Variants in PARD3 observed in about 807,000 individuals in gnomAD.
PARD3 encodes the protein partitioning defective 3 homolog.
PARD3 carries 75 observed loss-of-function variants against 155.4 expected under a neutral mutation model. The ratio of observed to expected loss-of-function variants is 0.48; its 90% CI spans 0.40 to 0.58. The LOEUF is 0.58. PARD3 is among the 20% of genes least tolerant of loss of function. PARD3 has a pLI of 0.00. For missense variants in PARD3, 1,642 were observed against 1,721.7 expected (o/e 0.95, Z 0.82); for synonymous variants, 576 against 610.5 (o/e 0.94, Z 0.83).
chr10:34,535,536 G>T (rs2083164576), intron 2 of PARD3, among the ~76,000 whole-genome samples: 1 of 152,180 alleles, frequency 6.6e-6, no homozygotes, highest in Non-Finnish European at 1.5e-5. Context: ...GCCCAGGCTG[G>T]AGTGCAGTGG....
At chr10:34,513,976 G>A (rs1451815167) in intron 3 of PARD3, among the ~76,000 whole-genome samples, 1 of 152,112 alleles carries the variant, frequency 6.6e-6, no homozygotes, top group Non-Finnish European at 1.5e-5. Flanking sequence ...CTAAATCAGA[G>A]TTCTCTCTGT....
chr10:34,135,454 C>T lies in PARD3; in HGVS notation c.3420-3871G>A, dbSNP rs542684423. ...GATTCCTAGCCCAGCGTGCACAGAACTATGTGACCCTGAATTATATGGAAC... is the reference window on the plus strand; with the variant it reads ...GATTCCTAGCCCAGCGTGCACAGAATTATGTGACCCTGAATTATATGGAAC... On this transcript the variant is annotated intron_variant, in intron 22 of 24. Coordinates refer to ENST00000374788, the MANE Select transcript of PARD3 (RefSeq NM_001184785.2). Among the ~76,000 whole-genome samples, 8 of 152,316 alleles carry T rather than the reference C, an allele frequency of 5.3e-5. No individual in the cohort carries two copies. In the East Asian group the frequency reaches 1.5e-3, roughly 29 times the overall value.
At chr10:34,587,719 G>A (rs923702626) in intron 2 of PARD3, among the ~76,000 whole-genome samples, 1 of 152,142 alleles carries the variant, frequency 6.6e-6, no homozygotes, top group African/African-American at 2.4e-5. Flanking sequence ...GCATGCTAAT[G>A]CTCCTCCATG....
intron 3 of PARD3, among the ~76,000 whole-genome samples, chr10:34,491,005 A>T (rs2079864340): frequency 6.6e-6 from 1 of 152,224 alleles, no homozygotes; most frequent in South Asian, 2.1e-4. Context: ...AAGAGACAGC[A>T]TTGCATATCA....
At chr10:34,803,432 G>A (rs546007498) in intron 1 of PARD3, among the ~76,000 whole-genome samples, 8 of 152,124 alleles carry the variant, frequency 5.3e-5, no homozygotes, top group East Asian at 3.9e-4. Flanking sequence ...TTCAGCTAAC[G>A]GTGTTTTTGC....
chr10:34,421,381 ATTAG>A (rs997605511), intron 5 of PARD3, among the ~76,000 whole-genome samples: 14 of 150,398 alleles, frequency 9.3e-5, no homozygotes, highest in African/African-American at 3.2e-4. Context: ...ATAATTTGTA[ATTAG>A]TTATATTAGT....
chr10:34,555,173 G>T (rs1452239728), intron 2 of PARD3, among the ~76,000 whole-genome samples: 1 of 152,196 alleles, frequency 6.6e-6, no homozygotes, highest in Non-Finnish European at 1.5e-5. Flanking sequence ...TTCCACTGTG[G>T]TGGGGGATGT....
chr10:34,809,345 C>T (rs890762055), intron 1 of PARD3, among the ~76,000 whole-genome samples: 2 of 152,104 alleles, frequency 1.3e-5, no homozygotes, highest in Non-Finnish European at 2.9e-5. Flanking sequence ...GCATTTCACC[C>T]GGAGGGAGGA....
intron 22 of PARD3, among the ~76,000 whole-genome samples, chr10:34,216,253 C>A (rs1046164552): frequency 1.3e-5 from 2 of 152,194 alleles, no homozygotes; most frequent in Non-Finnish European, 2.9e-5. Context: ...ACCACTTTAA[C>A]AATAAGCATT....
At chr10:34,688,890 G>A (rs1231708669) in intron 2 of PARD3, among the ~76,000 whole-genome samples, 1 of 152,018 alleles carries the variant, frequency 6.6e-6, no homozygotes, top group South Asian at 2.1e-4. Context: ...AATTCACAAC[G>A]ACCAAGTATA....
chr10:34,183,391 G>A (rs1369807363), intron 22 of PARD3, among the ~76,000 whole-genome samples: 4 of 152,178 alleles, frequency 2.6e-5, no homozygotes, highest in Non-Finnish European at 5.9e-5. Flanking sequence ...AAGGGTAAAA[G>A]GACTTCTTGA....
chr10:34,366,287 T>C (rs1839960352), intron 12 of PARD3, among the ~76,000 whole-genome samples: 1 of 152,220 alleles, frequency 6.6e-6, no homozygotes, highest in South Asian at 2.1e-4. Context: ...GTAAAATAAC[T>C]TTGTGTTAAT....
intron 22 of PARD3, among the ~76,000 whole-genome samples, chr10:34,203,747 T>C (rs996544536): frequency 2.0e-5 from 3 of 152,190 alleles, no homozygotes; most frequent in African/African-American, 4.8e-5. Context: ...AACCCATGAA[T>C]GCAGAGGGCC....
intron 21 of PARD3, among the ~76,000 whole-genome samples, chr10:34,270,676 C>G (rs146592544): frequency 6.6e-6 from 1 of 152,026 alleles, no homozygotes; most frequent in South Asian, 2.1e-4. Flanking sequence ...AGCTTAAACA[C>G]GAATCCACAC....
intron 1 of PARD3, among the ~76,000 whole-genome samples, chr10:34,700,831 G>T (rs1470250696): frequency 6.6e-6 from 1 of 152,092 alleles, no homozygotes; most frequent in East Asian, 1.9e-4. Context: ...AATTAGCCAG[G>T]CATGGTGGCG....
In PARD3 at chr10:34,520,376, T is replaced by C. The variant is rs16935475; in HGVS notation, c.223-3217A>G. On this transcript the variant is annotated intron_variant, in intron 2 of 24. Coordinates refer to ENST00000374788, the MANE Select transcript of PARD3 (RefSeq NM_001184785.2). ...GAAGAAATCACAGTAGGATGAATAA[T>C]TGGGCCACTCAACCTTATAATGAAC... 9.0e-3 allele frequency among the ~76,000 whole-genome samples: 1,374 copies of C among 152,192 alleles called. 34 individuals are homozygous for C. The highest frequency in any genetic ancestry group is 0.055 in the Admixed American group (839 of 15,290).
intron 21 of PARD3, 41 bp from the exon 22 acceptor site, chr10:34,269,940 C>T (rs200685441): frequency 1.5e-5 from 24 of 1,591,484 alleles, no homozygotes; most frequent in Non-Finnish European, 2.0e-5. Flanking sequence ...GAAACCTTTC[C>T]TTTTTTAGGA....
intron 22 of PARD3, among the ~76,000 whole-genome samples, chr10:34,237,121 A>G (rs771248592): frequency 3.9e-5 from 6 of 152,204 alleles, no homozygotes; most frequent in Non-Finnish European, 7.4e-5. Context: ...ATGTGTCTGT[A>G]AACTCTTAAC....
At chr10:34,316,474 C>T (rs541715053) in intron 20 of PARD3, among the ~76,000 whole-genome samples, 3 of 152,184 alleles carry the variant, frequency 2.0e-5, no homozygotes, top group Non-Finnish European at 2.9e-5. Flanking sequence ...GAAATCTTTA[C>T]AGACCGAAGT....
Sources: gnomAD v4.1 joint callset for allele counts (sites outside exome capture counted in the v4.1 genomes callset) on GRCh38, gnomAD v4.1.1 for gene constraint, MANE v1.5 for transcripts, NCBI Gene and HGNC (gene_info 2026-07-23, HGNC 2026-07-21) for gene names.